Variants in MAGI3 observed in about 807,000 individuals in gnomAD.
MAGI3 encodes the protein membrane associated guanylate kinase, WW and PDZ domain containing 3.
In MAGI3, 43 loss-of-function variants were observed where a neutral mutation model predicts 121.8. The observed-to-expected ratio is 0.35, with a 90% CI of 0.28 to 0.46. The LOEUF is 0.46. Among genes scored for constraint, MAGI3 ranks in the 20% least tolerant of loss-of-function variants. MAGI3 has a pLI of 1.00. For synonymous variants in MAGI3, 553 were observed against 639.3 expected (o/e 0.86, Z 2.04); for missense variants, 1,547 against 1,797.3 (o/e 0.86, Z 2.52).
chr1:113,623,872 C>T (rs1424863913), intron 9 of MAGI3, among the ~76,000 whole-genome samples: 1 of 146,894 alleles, frequency 6.8e-6, no homozygotes, highest in African/African-American at 2.4e-5. Context: ...CCTTCCCAGC[C>T]TCTGGTAATC....
intron 6 of MAGI3, among the ~76,000 whole-genome samples, chr1:113,608,245 G>A (rs1459966852): frequency 1.3e-5 from 2 of 151,944 alleles, no homozygotes; most frequent in African/African-American, 4.8e-5. Flanking sequence ...AGGGAGGGAA[G>A]AAGGGAAAAG....
intron 9 of MAGI3, 57 bp from the exon 10 acceptor site, chr1:113,641,854 A>C (rs938867470): frequency 1.4e-6 from 2 of 1,479,630 alleles, no homozygotes; most frequent in African/African-American, 2.8e-5. Flanking sequence ...CCCCTCTAGC[A>C]AAAAAATTAA....
intron 20 of MAGI3, 75 bp from the exon 21 acceptor site, chr1:113,682,822 G>C (rs1239201532): frequency 3.1e-5 from 45 of 1,460,446 alleles, no homozygotes; most frequent in Non-Finnish European, 3.9e-5. Context: ...TCAAATGGCT[G>C]TCAAAGTTCA....
intron 9 of MAGI3, 104 bp from the exon 10 acceptor site, chr1:113,641,807 A>G: frequency 8.9e-7 from 1 of 1,124,414 alleles, no homozygotes; most frequent in Non-Finnish European, 1.2e-6. Flanking sequence ...GAGGTTTCCA[A>G]AATTCAAATT....
intron 1 of MAGI3, among the ~76,000 whole-genome samples, chr1:113,440,662 C>T (rs1653866371): frequency 6.6e-6 from 1 of 152,164 alleles, no homozygotes; most frequent in African/African-American, 2.4e-5. Flanking sequence ...TATTCTTCTA[C>T]TAGGGATGAG....
chr1:113,440,733 A>T (rs1653870593), intron 1 of MAGI3, among the ~76,000 whole-genome samples: 1 of 152,148 alleles, frequency 6.6e-6, no homozygotes. Context: ...GGTGGTGGTG[A>T]TGATGATGCT....
chr1:113,571,449 G>A (rs1420108815), intron 2 of MAGI3, among the ~76,000 whole-genome samples: 1 of 152,176 alleles, frequency 6.6e-6, no homozygotes, highest in East Asian at 1.9e-4. Flanking sequence ...GTAGCTTGAT[G>A]GGGATAGCAT....
intron 1 of MAGI3, among the ~76,000 whole-genome samples, chr1:113,411,717 TG>T (rs1242596579): frequency 4.6e-5 from 7 of 151,784 alleles, no homozygotes; most frequent in Non-Finnish European, 8.8e-5. Context: ...ATTAATTTTT[TG>T]GTTTTTTTTT....
At chr1:113,675,227 A>G (rs1294487518) in intron 19 of MAGI3, among the ~76,000 whole-genome samples, 1 of 152,202 alleles carries the variant, frequency 6.6e-6, no homozygotes, top group Non-Finnish European at 1.5e-5. Context: ...TTATGCATAC[A>G]GTGGTAGTGG....
At position 113,646,466 on chromosome 1, in the gene MAGI3, A is replaced by G. The variant is rs1482047862; in HGVS notation, c.1999-20A>G. ...ATCTGCTTTTTAAAAAATACTAAGTAAGGCTCTTTTCCATTTCAGAAAACA... is the reference window on the plus strand; with the variant it reads ...ATCTGCTTTTTAAAAAATACTAAGTGAGGCTCTTTTCCATTTCAGAAAACA... On this transcript the variant is annotated intron_variant, in intron 11 of 20. Transcript: ENST00000307546. 6.4e-7 allele frequency: 1 copy of G among 1,573,374 alleles called. No homozygotes were observed. The highest frequency in any genetic ancestry group is 2.2e-5 in the East Asian group (1 of 44,584).
At chr1:113,681,658 T>G (rs1342731449) in intron 20 of MAGI3, among the ~76,000 whole-genome samples, 1 of 152,266 alleles carries the variant, frequency 6.6e-6, no homozygotes, top group East Asian at 1.9e-4. Context: ...GTTTTAAATC[T>G]CTTCAAAATA....
At chr1:113,516,050 TGTCACGACTTTCAGAAAAATC>T (rs1294130799) in intron 1 of MAGI3, among the ~76,000 whole-genome samples, 1 of 152,006 alleles carries the variant, frequency 6.6e-6, no homozygotes, top group Non-Finnish European at 1.5e-5. Flanking sequence ...AATGAAAAAT[TGTCACGACTTTCAGAAAAATC>T]ATCATCCTTC....
At chr1:113,674,391 T>A (rs1424657085) in intron 19 of MAGI3, among the ~76,000 whole-genome samples, 15 of 124,258 alleles carry the variant, frequency 1.2e-4, no homozygotes, top group Non-Finnish European at 1.7e-4. Context: ...AAACTCCATT[T>A]AAAAAAAAAA....
At chr1:113,503,336 CTTAA>C (rs1007254400) in intron 1 of MAGI3, among the ~76,000 whole-genome samples, 3 of 110,008 alleles carry the variant, frequency 2.7e-5, no homozygotes, top group Non-Finnish European at 5.4e-5. Flanking sequence ...AAAAAAAAGG[CTTAA>C]TTGATTGAAC....
At chr1:113,525,267 C>G (rs1467222600) in intron 1 of MAGI3, among the ~76,000 whole-genome samples, 3 of 152,022 alleles carry the variant, frequency 2.0e-5, no homozygotes, top group Non-Finnish European at 4.4e-5. Context: ...TTTATTCTTT[C>G]TCTCTCTGTT....
chr1:113,571,702 T>TGATAGGAA (rs1431072615), intron 2 of MAGI3, among the ~76,000 whole-genome samples: 1 of 152,202 alleles, frequency 6.6e-6, no homozygotes, highest in Non-Finnish European at 1.5e-5. Flanking sequence ...TTGCCTATCA[T>TGATAGGAA]TGGTGTATAG....
chr1:113,638,901 C>G (rs1021466304), intron 9 of MAGI3, among the ~76,000 whole-genome samples: 1 of 152,216 alleles, frequency 6.6e-6, no homozygotes, highest in Non-Finnish European at 1.5e-5. Flanking sequence ...TCGAGCTTCC[C>G]GGCTGCTTTG....
At chr1:113,597,163 A>G (rs548547068) in intron 6 of MAGI3, among the ~76,000 whole-genome samples, 5 of 152,358 alleles carry the variant, frequency 3.3e-5, no homozygotes, top group Non-Finnish European at 7.3e-5. Flanking sequence ...AATACTATAC[A>G]TGCTATATGT....
At chr1:113,660,974 T>C (rs1213114765) in intron 16 of MAGI3, among the ~76,000 whole-genome samples, 2 of 152,066 alleles carry the variant, frequency 1.3e-5, no homozygotes, top group East Asian at 3.9e-4. Context: ...GAGATGTTAG[T>C]TCTGAGGGCT....
Sources: allele counts gnomAD v4.1 joint callset (sites outside exome capture counted in the v4.1 genomes callset), GRCh38; gene constraint gnomAD v4.1.1; transcripts MANE v1.5; gene names NCBI Gene and HGNC (gene_info 2026-07-23, HGNC 2026-07-21).